The following ARHGEF4 variants were observed in gnomAD, a reference collection of about 807,000 sequenced individuals.
ARHGEF4 encodes the protein Rho guanine nucleotide exchange factor 4, also known as APC-stimulated guanine nucleotide exchange factor 1.
Under a neutral mutation model 162.0 loss-of-function variants are expected in ARHGEF4, and 119 were observed. The observed-to-expected ratio is 0.73, with a 90% confidence interval of 0.63 to 0.86. The LOEUF (loss-of-function observed/expected upper bound fraction) is 0.86. Among genes scored for constraint, ARHGEF4 ranks in the 40% least tolerant of loss-of-function variants. ARHGEF4 has a pLI of 0.00. For missense variants in ARHGEF4, 2,488 were observed against 2,456.0 expected, an observed-to-expected ratio of 1.01 and a Z score of -0.28; for synonymous variants, 1,014 against 979.9, an observed-to-expected ratio of 1.03 and a Z score of -0.65.
chr2:131,047,249 AGT>A lies in ARHGEF4; in HGVS notation c.*1061_*1062del, dbSNP rs1404661218. 6.6e-6 allele frequency: 1 copy of A among 152,212 alleles called. No individual in the cohort carries two copies. Among genetic ancestry groups the A allele is most frequent in the African/African-American group, 2.4e-5 (1 of 41,422 alleles). 9.4% of individuals were successfully genotyped at this position (152,212 alleles called of 1,614,324 possible). On this transcript the variant is annotated 3_prime_UTR_variant, in exon 14 of 14. Coordinates refer to ENST00000409359, the MANE Select transcript of ARHGEF4 (RefSeq NM_001367493.1). Reference sequence around the variant, plus strand: ...TAATTTCATAAATAAATTTATGAAAAGTAACCTGGCTGCTAGCCCGTTTTCTG... The same window carrying A: ...TAATTTCATAAATAAATTTATGAAAAAACCTGGCTGCTAGCCCGTTTTCTG...
At chr2:131,044,060 C>G (rs1308576063) in intron 11 of ARHGEF4, among the ~76,000 whole-genome samples, 3 of 152,186 alleles carry the variant, frequency 2.0e-5, no homozygotes, top group Non-Finnish European at 4.4e-5. Context: ...ACCTCAAAGA[C>G]AGGGCCAACC....
chr2:130,958,515 T>C (rs149047719), intron 4 of ARHGEF4, among the ~76,000 whole-genome samples: 113 of 152,020 alleles, frequency 7.4e-4, no homozygotes, highest in Middle Eastern at 3.4e-3. Flanking sequence ...ATCCGAGCGA[T>C]TCTCCCACCT....
intron 4 of ARHGEF4, among the ~76,000 whole-genome samples, chr2:130,953,001 A>G (rs1457102315): frequency 5.3e-5 from 8 of 152,212 alleles, no homozygotes; most frequent in Non-Finnish European, 4.4e-5. Flanking sequence ...TATAGATTCA[A>G]TGCCATCCCC....
At chr2:130,992,557 G>T (rs1687098564) in intron 4 of ARHGEF4, among the ~76,000 whole-genome samples, 1 of 151,914 alleles carries the variant, frequency 6.6e-6, no homozygotes, top group Admixed American at 6.6e-5. Flanking sequence ...GGGAACACCA[G>T]AAGGAAGAAA....
chr2:131,003,946 T>C (rs1043817527), intron 4 of ARHGEF4, among the ~76,000 whole-genome samples: 1 of 152,146 alleles, frequency 6.6e-6, no homozygotes, highest in African/African-American at 2.4e-5. Flanking sequence ...AACAGGACTT[T>C]TAAAAAAATC....
chr2:130,922,134 C>A (rs1024025945), intron 2 of ARHGEF4, among the ~76,000 whole-genome samples: 1 of 151,948 alleles, frequency 6.6e-6, no homozygotes, highest in African/African-American at 2.4e-5. Context: ...CTTTGGGAGG[C>A]CGAGGCAGCA....
rs148249414 is a variant in ARHGEF4, at chr2:130,894,579, T to G, written c.40-19407T>G. 9.9e-5 allele frequency among the ~76,000 whole-genome samples: 15 copies of G among 152,282 alleles called. No homozygotes were observed. In the East Asian group the frequency reaches 2.9e-3, roughly 29 times the overall value. On this transcript the variant is annotated intron_variant, in intron 1 of 13. Transcript: ENST00000409359. ...GGGAAGGGTGGAGAGGAGATTTCAC[T>G]GTTATTTCATATCCTTCTGCATTTT...
intron 4 of ARHGEF4, among the ~76,000 whole-genome samples, chr2:131,001,329 CAGAA>C (rs1468136711): frequency 1.0e-4 from 8 of 79,458 alleles, no homozygotes; most frequent in African/African-American, 2.6e-4. Flanking sequence ...AAAAAAAAAA[CAGAA>C]AGAGCTGAAG....
intron 4 of ARHGEF4, among the ~76,000 whole-genome samples, chr2:131,026,963 A>G (rs1331055325): frequency 6.6e-6 from 1 of 152,256 alleles, no homozygotes; most frequent in Non-Finnish European, 1.5e-5. Context: ...TTGCGTAAGC[A>G]ATACACAATA....
At chr2:130,892,351 C>T (rs1351767821) in intron 1 of ARHGEF4, among the ~76,000 whole-genome samples, 1 of 152,166 alleles carries the variant, frequency 6.6e-6, no homozygotes, top group African/African-American at 2.4e-5. Context: ...TCATTTCTGA[C>T]CCAACCTACC....
chr2:130,906,624 C>T (rs980627566), intron 1 of ARHGEF4, among the ~76,000 whole-genome samples: 6 of 152,138 alleles, frequency 3.9e-5, no homozygotes, highest in Non-Finnish European at 8.8e-5. Context: ...AACCAGCCCT[C>T]GTATACATGT....
At chr2:131,007,595 C>G (rs190881030) in intron 4 of ARHGEF4, among the ~76,000 whole-genome samples, 3 of 152,072 alleles carry the variant, frequency 2.0e-5, no homozygotes, top group African/African-American at 4.8e-5. Context: ...CACCTGAAAT[C>G]CTACCATCCA....
Position 130,948,103 on chromosome 2 carries a change from C to T in ARHGEF4, c.3985+1468C>T, listed in dbSNP as rs183598027. Reference sequence around the variant, plus strand: ...GCCAGTGTGGTGAGGCAGAGGATGACGGTGCATGATGGTTGGCCCTGAATG... The same window carrying T: ...GCCAGTGTGGTGAGGCAGAGGATGATGGTGCATGATGGTTGGCCCTGAATG... On this transcript the variant is annotated intron_variant, in intron 4 of 13. Coordinates refer to ENST00000409359, the MANE Select transcript of ARHGEF4 (RefSeq NM_001367493.1). Among the ~76,000 whole-genome samples, 7 of 152,294 alleles carry T rather than the reference C, an allele frequency of 4.6e-5. No individual in the cohort carries two copies. The East Asian group carries it at 5.8e-4, about 13-fold the overall frequency.
At chr2:130,882,203 A>T (rs1006788769) in intron 1 of ARHGEF4, among the ~76,000 whole-genome samples, 2 of 152,132 alleles carry the variant, frequency 1.3e-5, no homozygotes, top group African/African-American at 2.4e-5. Context: ...GGTCCTGGAC[A>T]GAGAGGAAAT....
intron 1 of ARHGEF4, among the ~76,000 whole-genome samples, chr2:130,878,525 T>A (rs61122192): frequency 6.6e-6 from 1 of 152,224 alleles, no homozygotes; most frequent in South Asian, 2.1e-4. Context: ...AGTCCCTTCC[T>A]TTATGGCAAG....
intron 4 of ARHGEF4, among the ~76,000 whole-genome samples, chr2:130,967,947 C>A (rs564733865): frequency 6.6e-6 from 1 of 152,294 alleles, no homozygotes; most frequent in South Asian, 2.1e-4. Context: ...ATATGTGACA[C>A]CTGTGAAATA....
In ARHGEF4 at chr2:131,040,437, G is replaced by A. The variant is rs1217724727; in HGVS notation, c.4659G>A (p.Glu1553=). Residue 1553 remains glutamate (E), a synonymous_variant, in exon 8 of 14, where the codon GAG becomes GAA. Transcript: ENST00000409359. ...HLSELGACFL[E]HQADFQIYSE... Reference sequence around the variant, plus strand: ...GCGAGCTGGGTGCCTGCTTCCTGGAGCATGTGAGCGCGCGGCCCCCGGCCC... The same window carrying A: ...GCGAGCTGGGTGCCTGCTTCCTGGAACATGTGAGCGCGCGGCCCCCGGCCC... The A allele has an allele frequency of 3.8e-6, 6 of 1,574,450 alleles. No homozygotes were observed. Among genetic ancestry groups the A allele is most frequent in the African/African-American group, 1.4e-5 (1 of 73,920 alleles).
At chr2:131,039,575 G>A in intron 6 of ARHGEF4, 1 of 1,041,554 alleles carries the variant, frequency 9.6e-7, no homozygotes, top group Non-Finnish European at 1.2e-6. Flanking sequence ...CCAGGCCCTG[G>A]TGTTCAGATG....
intron 1 of ARHGEF4, among the ~76,000 whole-genome samples, chr2:130,845,847 C>T (rs1680920802): frequency 6.6e-6 from 1 of 152,210 alleles, no homozygotes; most frequent in African/African-American, 2.4e-5. Flanking sequence ...GTGGCAGAAG[C>T]CAGACCTACG....
Sources: gnomAD v4.1 joint callset for allele counts (sites outside exome capture counted in the v4.1 genomes callset) on GRCh38, gnomAD v4.1.1 for gene constraint, MANE v1.5 for transcripts, NCBI Gene and HGNC (gene_info 2026-07-23, HGNC 2026-07-21) for gene names.